RASGEF1A: variants seen among roughly 807,000 people sequenced by gnomAD.
RASGEF1A encodes the protein RasGEF domain family member 1A.
A neutral mutation model predicts 56.4 loss-of-function variants in RASGEF1A; 18 were observed. The ratio of observed to expected loss-of-function variants is 0.32; its 90% CI spans 0.22 to 0.47. The LOEUF (loss-of-function observed/expected upper bound fraction) is 0.47. RASGEF1A is among the 20% of genes least tolerant of loss of function. The probability of loss-of-function intolerance (pLI) is 1.00; values close to 1 mark genes in which losing one functional copy is unlikely to be tolerated. For synonymous variants in RASGEF1A, 245 were observed against 242.6 expected (o/e 1.01, Z -0.09); for missense variants, 422 against 627.1 (o/e 0.67, Z 3.49).
chr10:43,228,125 C>A (rs370309439), intron 1 of RASGEF1A, among the ~76,000 whole-genome samples: 2 of 152,318 alleles, frequency 1.3e-5, no homozygotes, highest in East Asian at 1.9e-4. Context: ...ACCTCGCTGG[C>A]CTCACTGTCC....
At chr10:43,206,731 T>C in intron 1 of RASGEF1A, 2 of 986,322 alleles carry the variant, frequency 2.0e-6, no homozygotes, top group Non-Finnish European at 2.4e-6. Context: ...CAAGGAGAGC[T>C]TGCTCAGGCA....
intron 1 of RASGEF1A, among the ~76,000 whole-genome samples, chr10:43,220,355 C>A (rs1185542361): frequency 6.6e-6 from 1 of 152,108 alleles, no homozygotes; most frequent in Non-Finnish European, 1.5e-5. Flanking sequence ...TAGCCAGGGG[C>A]AGTGGCATAC....
intron 1 of RASGEF1A, among the ~76,000 whole-genome samples, chr10:43,252,485 C>T (rs1840638300): frequency 6.6e-6 from 1 of 152,050 alleles, no homozygotes; most frequent in Non-Finnish European, 1.5e-5. Flanking sequence ...TTCTAGTAGG[C>T]AGGCCTGCCT....
chr10:43,199,233 G>C, intron 7 of RASGEF1A, 39 bp from the exon 8 acceptor site: 1 of 1,512,284 alleles, frequency 6.6e-7, no homozygotes, highest in Middle Eastern at 1.8e-4. Flanking sequence ...GCGCTGCCGG[G>C]GGACAGCAGG....
chr10:43,216,449 G>A (rs1483438766), intron 1 of RASGEF1A, among the ~76,000 whole-genome samples: 1 of 152,252 alleles, frequency 6.6e-6, no homozygotes, highest in Non-Finnish European at 1.5e-5. Context: ...TCAGCAGGGA[G>A]TCAGGCGCAA....
Position 43,200,214 on chromosome 10 carries a change from C to G in RASGEF1A, c.724G>C (p.Val242Leu), listed in dbSNP as rs77077330. 1 of 1,606,590 alleles carries G rather than the reference C, an allele frequency of 6.2e-7. No individual in the cohort carries two copies. The change falls in exon 6 of 13, where the codon GTC (valine) becomes CTC (leucine). Residue 242 changes from valine (V) to leucine (L), a missense_variant. Physicochemically the swap from Val to Leu is conservative, Grantham distance 32. Around this residue, in one of 2 missense-constraint regions of RASGEF1A, gnomAD observed 273 missense variants for 339.9 expected, o/e 0.80. Coordinates refer to ENST00000395810, the MANE Select transcript of RASGEF1A (RefSeq NM_145313.4). Reference protein sequence around the residue: ...SIYPEDLMQIVSHMDSLDNHR... With the variant: ...SIYPEDLMQILSHMDSLDNHR... ...TTGTCCAAGGAGTCCATGTGGCTGA[C>G]GATCTGCATCAAGTCCTCAGGGTAA...
chr10:43,249,838 C>T (rs1484733140), intron 1 of RASGEF1A, among the ~76,000 whole-genome samples: 1 of 152,256 alleles, frequency 6.6e-6, no homozygotes, highest in Non-Finnish European at 1.5e-5. Context: ...CACCGGCCCC[C>T]ACGCCAGGAA....
intron 1 of RASGEF1A, among the ~76,000 whole-genome samples, chr10:43,266,203 G>C (rs907536750): frequency 6.6e-6 from 1 of 152,096 alleles, no homozygotes; most frequent in African/African-American, 2.4e-5. Flanking sequence ...ACCGACCCTC[G>C]GACCAGAACC....
chr10:43,243,720 G>A (rs959443638), intron 1 of RASGEF1A, among the ~76,000 whole-genome samples: 6 of 150,594 alleles, frequency 4.0e-5, no homozygotes, highest in Non-Finnish European at 7.4e-5. Flanking sequence ...CCCCATCTGG[G>A]AAGTGGGCGC....
intron 1 of RASGEF1A, among the ~76,000 whole-genome samples, chr10:43,230,571 T>TG (rs146359969): frequency 0.077 from 11,668 of 152,136 alleles, 510 homozygotes; most frequent in South Asian, 0.16. Flanking sequence ...CCTTGGGCTC[T>TG]GGGGGAGTCC....
chr10:43,229,826 C>T, intron 1 of RASGEF1A: 1 of 1,034,850 alleles, frequency 9.7e-7, no homozygotes, highest in Non-Finnish European at 1.3e-6. Flanking sequence ...GGGCTGGGGA[C>T]CGCGGGGTCC....
chr10:43,208,228 G>C, intron 1 of RASGEF1A: 1 of 985,434 alleles, frequency 1.0e-6, no homozygotes, highest in Non-Finnish European at 1.2e-6. Flanking sequence ...CAAGCTCTTG[G>C]GGTCATCAGA....
intron 1 of RASGEF1A, among the ~76,000 whole-genome samples, chr10:43,240,908 C>G (rs1007293162): frequency 1.3e-5 from 2 of 152,126 alleles, no homozygotes; most frequent in Non-Finnish European, 2.9e-5. Flanking sequence ...CCATGAAGGG[C>G]AGGAAGCAGT....
chr10:43,253,035 G>A (rs562176945), intron 1 of RASGEF1A, among the ~76,000 whole-genome samples: 1 of 152,326 alleles, frequency 6.6e-6, no homozygotes, highest in South Asian at 2.1e-4. Context: ...AACCCCCATG[G>A]TCTCCTCTGT....
At position 43,201,831 on chromosome 10, in the gene RASGEF1A, G is replaced by A; in HGVS notation, c.436C>T (p.His146Tyr). Residue 146 changes from histidine (H) to tyrosine (Y), a missense_variant, in exon 4 of 13, where the codon CAC (histidine) becomes TAC (tyrosine). Coordinates refer to ENST00000395810, the MANE Select transcript of RASGEF1A (RefSeq NM_145313.4). ...ACCTCATCACACTGGGTGACACGGT[G>A]TGTGATGGCTTTCAGCTCGGCCATG... is the stretch of plus-strand genomic sequence containing the variant. ...KAMAELKAIT[H>Y]RVTQCDEENG... 6.2e-7 allele frequency: 1 copy of A among 1,609,576 alleles called. No individual in the cohort carries two copies. The highest frequency in any genetic ancestry group is 8.5e-7 in the Non-Finnish European group (1 of 1,177,418).
chr10:43,224,783 G>A (rs543017675), intron 1 of RASGEF1A, among the ~76,000 whole-genome samples: 17 of 152,330 alleles, frequency 1.1e-4, no homozygotes, highest in African/African-American at 3.8e-4. Flanking sequence ...TAGAAATAAA[G>A]AAGTTGGCTG....
intron 10 of RASGEF1A, 57 bp from the exon 11 acceptor site, chr10:43,197,156 G>A: frequency 6.3e-7 from 1 of 1,591,144 alleles, no homozygotes; most frequent in Non-Finnish European, 8.6e-7. Context: ...CAAACCCTCG[G>A]TCAGGGCAGG....
chr10:43,230,151 T>C (rs920748243), intron 1 of RASGEF1A, among the ~76,000 whole-genome samples: 13 of 152,194 alleles, frequency 8.5e-5, no homozygotes, highest in Non-Finnish European at 1.6e-4. Flanking sequence ...CACCTGATCG[T>C]AGACGTCCAC....
intron 1 of RASGEF1A, among the ~76,000 whole-genome samples, chr10:43,212,183 C>T (rs1840077823): frequency 6.6e-6 from 1 of 152,194 alleles, no homozygotes; most frequent in South Asian, 2.1e-4. Flanking sequence ...ACAGAAGTTT[C>T]ACAGAGCCTC....
Sources: gnomAD v4.1 joint callset for allele counts (sites outside exome capture counted in the v4.1 genomes callset) on GRCh38, gnomAD v4.1.1 for gene constraint, gnomAD v4.1.1 regional missense constraint, MANE v1.5 for transcripts, NCBI Gene and HGNC (gene_info 2026-07-23, HGNC 2026-07-21) for gene names.